Variants in NAALADL2 observed in about 807,000 individuals in gnomAD.
NAALADL2 encodes inactive N-acetylated-alpha-linked acidic dipeptidase-like protein 2.
A neutral mutation model predicts 87.2 loss-of-function variants in NAALADL2; 76 were observed. The ratio of observed to expected loss-of-function variants is 0.87; its 90% confidence interval spans 0.72 to 1.05. The LOEUF (loss-of-function observed/expected upper bound fraction) is 1.05, where lower values mean the gene tolerates loss of function less well. NAALADL2 is among the 50% of genes least tolerant of loss of function. The pLI, the probability that NAALADL2 is intolerant of heterozygous loss-of-function variation, is 0.00. For missense variants in NAALADL2, 1,089 were observed against 945.8 expected (o/e 1.15, Z -1.99); for synonymous variants, 354 against 331.0 (o/e 1.07, Z -0.75).
intron 5 of NAALADL2, among the ~76,000 whole-genome samples, chr3:175,339,648 G>A (rs1366746069): frequency 2.6e-5 from 4 of 152,160 alleles, no homozygotes; most frequent in Admixed American, 6.5e-5. Context: ...AAGTGCTGAC[G>A]GCTTTGAGAA....
intron 2 of NAALADL2, among the ~76,000 whole-genome samples, chr3:174,597,565 T>C (rs558749588): frequency 1.3e-5 from 2 of 152,304 alleles, no homozygotes; most frequent in South Asian, 4.1e-4. Flanking sequence ...TAGTGAGCCT[T>C]TCCATATACA....
At chr3:175,423,014 T>G (rs1715976018) in intron 5 of NAALADL2, among the ~76,000 whole-genome samples, 1 of 37,148 alleles carries the variant, frequency 2.7e-5, no homozygotes, top group Non-Finnish European at 4.9e-5. Flanking sequence ...TCCCAGGTCC[T>G]TAAGAAAAAA....
chr3:175,795,707 TA>T (rs1466958284), intron 13 of NAALADL2, among the ~76,000 whole-genome samples: 21 of 149,354 alleles, frequency 1.4e-4, no homozygotes, highest in African/African-American at 4.5e-4. Context: ...TAAAATAAAA[TA>T]AAATAAATAA....
rs1406026336 is a variant in NAALADL2, at chr3:174,556,828, A to T, written c.-115+6191A>T. 2.0e-5 allele frequency among the ~76,000 whole-genome samples: 3 copies of T among 151,958 alleles called. No homozygotes were observed. The South Asian group carries it at 6.2e-4, about 32-fold the overall frequency. On this transcript the variant is annotated intron_variant, in intron 2 of 3. Coordinates refer to the NAALADL2 transcript ENST00000434257. ...CAATCATGGCTTACTGCAGCCTCAA[A>T]CTCCTGGGCTCAAGCAATCCTCCCA...
At chr3:174,938,261 G>A (rs1470196876) in intron 1 of NAALADL2, among the ~76,000 whole-genome samples, 1 of 151,922 alleles carries the variant, frequency 6.6e-6, no homozygotes, top group Non-Finnish European at 1.5e-5. Context: ...CCATGTATAA[G>A]TGAAAACATG....
At chr3:175,338,857 A>C (rs1437659934) in intron 5 of NAALADL2, among the ~76,000 whole-genome samples, 1 of 152,158 alleles carries the variant, frequency 6.6e-6, no homozygotes, top group Non-Finnish European at 1.5e-5. Context: ...GAGGTGAAGA[A>C]GGAGGCGAGT....
At chr3:174,971,664 A>ATTGT (rs768309576) in intron 1 of NAALADL2, among the ~76,000 whole-genome samples, 1 of 80,206 alleles carries the variant, frequency 1.2e-5, no homozygotes. Context: ...AGTATGCTAG[A>ATTGT]CTGTGTGTGT....
chr3:174,530,443 C>G (rs999605846), intron 1 of NAALADL2, among the ~76,000 whole-genome samples: 2 of 152,136 alleles, frequency 1.3e-5, no homozygotes, highest in South Asian at 4.1e-4. Flanking sequence ...CTGTTCCAAC[C>G]GCTTCCACAT....
rs1369983409 is a variant in NAALADL2, at chr3:175,471,776, T to G, written c.1653+18T>G. On this transcript the variant is annotated intron_variant, in intron 9 of 13. Transcript: ENST00000454872. The stretch of plus-strand genomic sequence containing the variant: ...TAGTAGAGGTAAGACAAACCACTAT[T>G]GTATCAAATGATTATGCAAAACCGA... 3 of 1,577,958 alleles carry G rather than the reference T, an allele frequency of 1.9e-6. No individual in the cohort carries two copies. Among genetic ancestry groups the G allele is most frequent in the Non-Finnish European group, 2.6e-6 (3 of 1,167,644 alleles).
chr3:175,480,756 C>T (rs1726338771), intron 9 of NAALADL2, among the ~76,000 whole-genome samples: 1 of 151,744 alleles, frequency 6.6e-6, no homozygotes, highest in Non-Finnish European at 1.5e-5. Context: ...ATTGTACAAT[C>T]CCTAAATAAG....
At chr3:174,461,450 ATGCT>A (rs758681467) in intron 1 of NAALADL2, among the ~76,000 whole-genome samples, 2 of 135,960 alleles carry the variant, frequency 1.5e-5, no homozygotes, top group Non-Finnish European at 3.1e-5. Context: ...GTGGAACAAA[ATGCT>A]TGCACCTTTA....
intron 2 of NAALADL2, among the ~76,000 whole-genome samples, chr3:174,730,204 T>A (rs2108979862): frequency 6.6e-6 from 1 of 152,238 alleles, no homozygotes; most frequent in Admixed American, 6.5e-5. Context: ...GGTGAAACAT[T>A]TTTATCTTTA....
chr3:175,490,935 A>C (rs1385271637), intron 9 of NAALADL2, among the ~76,000 whole-genome samples: 1 of 152,086 alleles, frequency 6.6e-6, no homozygotes, highest in Non-Finnish European at 1.5e-5. Context: ...GATTTTAGAA[A>C]ATTTTAGAAT....
intron 9 of NAALADL2, among the ~76,000 whole-genome samples, chr3:175,515,978 G>C (rs564079943): frequency 5.1e-4 from 78 of 152,232 alleles, no homozygotes; most frequent in Non-Finnish European, 8.7e-4. Context: ...AAATAAAGCT[G>C]TTTTATTTTA....
At chr3:174,923,390 A>G (rs977754389) in intron 1 of NAALADL2, among the ~76,000 whole-genome samples, 1 of 152,196 alleles carries the variant, frequency 6.6e-6, no homozygotes, top group African/African-American at 2.4e-5. Context: ...CAATAACTAA[A>G]TATTATTCAA....
chr3:175,595,361 T>A (rs1319254873), intron 10 of NAALADL2, among the ~76,000 whole-genome samples: 1 of 152,142 alleles, frequency 6.6e-6, no homozygotes, highest in Non-Finnish European at 1.5e-5. Context: ...TCTATGTGTC[T>A]GTTTTTGTAC....
chr3:175,765,622 G>T (rs1461025766), intron 13 of NAALADL2, among the ~76,000 whole-genome samples: 1 of 152,032 alleles, frequency 6.6e-6, no homozygotes, highest in Non-Finnish European at 1.5e-5. Flanking sequence ...GTTTCTTTCA[G>T]TTTTAAGGTG....
chr3:175,162,048 T>G (rs1733302119), intron 2 of NAALADL2, among the ~76,000 whole-genome samples: 1 of 152,172 alleles, frequency 6.6e-6, no homozygotes. Flanking sequence ...TCTTCTAAGC[T>G]TTTACTATTC....
At chr3:174,805,265 A>G (rs746397334) in intron 3 of NAALADL2, among the ~76,000 whole-genome samples, 5 of 152,274 alleles carry the variant, frequency 3.3e-5, no homozygotes, top group South Asian at 2.1e-4. Flanking sequence ...AATGACATGT[A>G]TTTAGTAGAT....
Sources: allele counts gnomAD v4.1 joint callset (sites outside exome capture counted in the v4.1 genomes callset), GRCh38; gene constraint gnomAD v4.1.1; transcripts MANE v1.5; gene names NCBI Gene and HGNC (gene_info 2026-07-23, HGNC 2026-07-21).